CHCHD6: variants seen among roughly 807,000 people sequenced by gnomAD.
CHCHD6 encodes coiled-coil-helix-coiled-coil-helix domain containing 6.
Under a neutral mutation model 32.3 loss-of-function variants are expected in CHCHD6, and 28 were observed. The ratio of observed to expected loss-of-function variants is 0.87; its 90% CI spans 0.64 to 1.19. CHCHD6 has a LOEUF of 1.19. Among genes scored for constraint, CHCHD6 ranks in the 50% most tolerant of loss-of-function variants. The pLI is 0.00. For missense variants in CHCHD6, 333 were observed against 307.0 expected (o/e 1.08, Z -0.63); for synonymous variants, 122 against 117.5 (o/e 1.04, Z -0.25).
intron 4 of CHCHD6, among the ~76,000 whole-genome samples, chr3:126,768,086 G>A (rs552103022): frequency 3.3e-5 from 5 of 152,252 alleles, no homozygotes; most frequent in East Asian, 3.9e-4. Context: ...CTGTGTCCCC[G>A]CCCAAATCTC....
At chr3:126,714,612 G>C (rs1328018630) in intron 1 of CHCHD6, among the ~76,000 whole-genome samples, 1 of 152,194 alleles carries the variant, frequency 6.6e-6, no homozygotes, top group Admixed American at 6.5e-5. Context: ...CTGGAAGCCT[G>C]TCCTTCTGAA....
At chr3:126,846,239 G>A (rs1009945768) in intron 4 of CHCHD6, among the ~76,000 whole-genome samples, 2 of 152,280 alleles carry the variant, frequency 1.3e-5, no homozygotes, top group East Asian at 3.9e-4. Flanking sequence ...CTGACTCAGA[G>A]GTTGCCCAGT....
chr3:126,860,944 G>A (rs751824879), intron 5 of CHCHD6, among the ~76,000 whole-genome samples: 3 of 152,164 alleles, frequency 2.0e-5, no homozygotes, highest in Non-Finnish European at 4.4e-5. Context: ...TCCTGGTATT[G>A]TAAGCCTTGG....
chr3:126,901,070 G>A lies in CHCHD6; in HGVS notation c.496-13610G>A, dbSNP rs139590357. On this transcript the variant is annotated intron_variant, in intron 5 of 7. Coordinates refer to ENST00000290913, the MANE Select transcript of CHCHD6 (RefSeq NM_032343.3). The stretch of plus-strand genomic sequence containing the variant: ...TGACATGAGATTCAGTAGGGACACG[G>A]ATCCAAACCATATCACCAGCACAGC... Among the ~76,000 whole-genome samples the A allele has an allele frequency of 3.1e-3, 476 of 152,240 alleles. 1 individual carries two copies. Among genetic ancestry groups the A allele is most frequent in the Non-Finnish European group, 4.6e-3 (314 of 68,006 alleles).
chr3:126,768,662 C>G (rs1413973455), intron 4 of CHCHD6, among the ~76,000 whole-genome samples: 1 of 152,186 alleles, frequency 6.6e-6, no homozygotes, highest in Non-Finnish European at 1.5e-5. Flanking sequence ...TCCACAGAGG[C>G]TGAAGTAATT....
chr3:126,726,716 G>A (rs1338373198), intron 1 of CHCHD6, among the ~76,000 whole-genome samples: 1 of 152,226 alleles, frequency 6.6e-6, no homozygotes, highest in African/African-American at 2.4e-5. Flanking sequence ...AGATGTCCCA[G>A]AGAGGGAGGT....
At chr3:126,932,801 G>C (rs555493505) in intron 6 of CHCHD6, among the ~76,000 whole-genome samples, 3 of 152,358 alleles carry the variant, frequency 2.0e-5, no homozygotes, top group Non-Finnish European at 4.4e-5. Flanking sequence ...ACGGGCGCAA[G>C]AAGGGCCCTT....
At chr3:126,942,980 GCTCT>G (rs1188479872) in intron 6 of CHCHD6, among the ~76,000 whole-genome samples, 1 of 151,906 alleles carries the variant, frequency 6.6e-6, no homozygotes, top group African/African-American at 2.4e-5. Context: ...TCTTTGTAGG[GCTCT>G]CTCTCTCTCC....
intron 6 of CHCHD6, chr3:126,949,516 T>G (rs1353548788): frequency 5.7e-6 from 1 of 176,836 alleles, no homozygotes; most frequent in East Asian, 2.5e-4. Context: ...CTGCGTGGAC[T>G]GCCGCCGTGG....
At chr3:126,863,479 A>T (rs1253038946) in intron 5 of CHCHD6, among the ~76,000 whole-genome samples, 1 of 134,328 alleles carries the variant, frequency 7.4e-6, no homozygotes, top group Non-Finnish European at 1.6e-5. Flanking sequence ...CTCCACCACC[A>T]TCACCACCTC....
chr3:126,957,931 G>T, intron 7 of CHCHD6: 2 of 359,956 alleles, frequency 5.6e-6, no homozygotes, highest in Non-Finnish European at 1.1e-5. Context: ...GCAGAGTGGG[G>T]GTCCCAGCAA....
intron 4 of CHCHD6, among the ~76,000 whole-genome samples, chr3:126,772,725 A>G (rs1008076240): frequency 1.3e-5 from 2 of 152,162 alleles, no homozygotes; most frequent in Non-Finnish European, 1.5e-5. Context: ...ATTTAGCCCA[A>G]TTATGTTCAA....
At position 126,953,583 on chromosome 3, in the gene CHCHD6, T is replaced by A. The variant is rs559701982; in HGVS notation, c.567-3833T>A. ...GCTATGAGAGCTGCACTTCACAGCA[T>A]GCAATTCTGTTCTTCTATGGGGCAA... On this transcript the variant is annotated intron_variant, in intron 6 of 7. Coordinates refer to ENST00000290913, the MANE Select transcript of CHCHD6 (RefSeq NM_032343.3). Among the ~76,000 whole-genome samples the A allele has an allele frequency of 3.5e-4, 54 of 152,340 alleles. No individual in the cohort carries two copies. In the South Asian group the frequency reaches 6.0e-3, roughly 17 times the overall value.
intron 4 of CHCHD6, among the ~76,000 whole-genome samples, chr3:126,770,675 C>G (rs1937527539): frequency 6.6e-6 from 1 of 152,188 alleles, no homozygotes; most frequent in Non-Finnish European, 1.5e-5. Flanking sequence ...AGGGATAAAG[C>G]CTACTTGATC....
chr3:126,835,792 A>T (rs543216112), intron 4 of CHCHD6, among the ~76,000 whole-genome samples: 2 of 152,354 alleles, frequency 1.3e-5, no homozygotes, highest in South Asian at 4.1e-4. Context: ...TATTTCAAGC[A>T]GCATGCTGTT....
intron 1 of CHCHD6, among the ~76,000 whole-genome samples, chr3:126,722,529 A>C (rs1935355100): frequency 6.6e-6 from 1 of 152,096 alleles, no homozygotes; most frequent in African/African-American, 2.4e-5. Context: ...TTGTGGTTTA[A>C]ACCCGTGTTT....
At chr3:126,820,191 T>C (rs1184235961) in intron 4 of CHCHD6, among the ~76,000 whole-genome samples, 1 of 152,204 alleles carries the variant, frequency 6.6e-6, no homozygotes, top group Non-Finnish European at 1.5e-5. Context: ...CTGGCCACAG[T>C]GGTTGGTCAA....
chr3:126,752,949 C>T (rs982761784), intron 4 of CHCHD6, among the ~76,000 whole-genome samples: 3 of 152,264 alleles, frequency 2.0e-5, no homozygotes, highest in African/African-American at 7.2e-5. Flanking sequence ...TCGTAAGTCA[C>T]ATTGTTTGTC....
chr3:126,711,167 C>T (rs1291657271), intron 1 of CHCHD6, among the ~76,000 whole-genome samples: 1 of 152,152 alleles, frequency 6.6e-6, no homozygotes, highest in Admixed American at 6.5e-5. Flanking sequence ...GAGGGCAAAT[C>T]CTGGATTTTC....
Sources: gnomAD v4.1 joint callset for allele counts (sites outside exome capture counted in the v4.1 genomes callset) on GRCh38, gnomAD v4.1.1 for gene constraint, MANE v1.5 for transcripts, NCBI Gene and HGNC (gene_info 2026-07-23, HGNC 2026-07-21) for gene names.